Variants in SWT1 observed in about 807,000 individuals in gnomAD.
SWT1 encodes transcriptional protein SWT1.
SWT1 carries 33 observed loss-of-function variants against 107.3 expected under a neutral mutation model. The observed-to-expected ratio is 0.31, with a 90% CI of 0.23 to 0.41. The LOEUF (loss-of-function observed/expected upper bound fraction) is 0.41. Ranked by LOEUF, SWT1 falls within the 10% of genes least tolerant of loss-of-function variation. The pLI, the probability that SWT1 is intolerant of heterozygous loss-of-function variation, is 1.00. For synonymous variants in SWT1, 345 were observed against 348.3 expected (o/e 0.99, Z 0.11); for missense variants, 898 against 1,028.9 (o/e 0.87, Z 1.74).
chr1:185,277,811 C>T (rs1294238039), intron 18 of SWT1, among the ~76,000 whole-genome samples: 1 of 151,802 alleles, frequency 6.6e-6, no homozygotes, highest in Non-Finnish European at 1.5e-5. Context: ...TTATAGTTCT[C>T]ATCTTTTTTT....
intron 18 of SWT1, among the ~76,000 whole-genome samples, chr1:185,277,099 A>G (rs1290225201): frequency 6.6e-6 from 1 of 152,146 alleles, no homozygotes; most frequent in Non-Finnish European, 1.5e-5. Flanking sequence ...ATTTTTGCAA[A>G]TCTTTTAATG....
intron 16 of SWT1, among the ~76,000 whole-genome samples, chr1:185,252,568 C>T (rs1662124675): frequency 6.6e-6 from 1 of 152,080 alleles, no homozygotes; most frequent in African/African-American, 2.4e-5. Flanking sequence ...TTTTTGGCTG[C>T]ATAAATGTCT....
intron 2 of SWT1, among the ~76,000 whole-genome samples, chr1:185,165,289 A>C (rs1446765487): frequency 6.6e-6 from 1 of 152,242 alleles, no homozygotes; most frequent in African/African-American, 2.4e-5. Context: ...CATTTGAAAT[A>C]CTGTGAGAAT....
Position 185,276,608 on chromosome 1 carries a change from A to G in SWT1, c.2513A>G (p.Asn838Ser), listed in dbSNP as rs1413024686. The G allele has an allele frequency of 1.3e-6, 2 of 1,574,096 alleles. No homozygotes were observed. Among genetic ancestry groups the G allele is most frequent in the East Asian group, 2.3e-5 (1 of 44,190 alleles). The stretch of plus-strand genomic sequence containing the variant: ...CTATATCTTGGTTCCTTTCAGGTAA[A>G]TAAAAATGTCAAATTTACTGCCCAG... ...LYNFLIKYEV[N>S]KNVKFTAQEI... is the part of the protein sequence containing the mutation. The change falls in exon 18 of 19, where the codon AAT becomes AGT. Residue 838 changes from asparagine (N) to serine (S), a missense_variant. Asn to Ser is a conservative substitution (Grantham distance 46). Around this residue, in one of 6 missense-constraint regions of SWT1, gnomAD observed 382 missense variants for 460.0 expected, o/e 0.83. Transcript: ENST00000367500.
At chr1:185,221,801 C>T in intron 14 of SWT1, 48 bp from the exon 15 acceptor site, 2 of 1,358,232 alleles carry the variant, frequency 1.5e-6, no homozygotes, top group African/African-American at 1.5e-5. Flanking sequence ...TTTTTCTCCT[C>T]TGCAAATGAA....
chr1:185,176,496 A>G (rs1655571116), intron 5 of SWT1: 1 of 889,254 alleles, frequency 1.1e-6, no homozygotes, highest in South Asian at 5.2e-5. Context: ...AAAATTATGT[A>G]ATGTAATTGC....
intron 3 of SWT1, among the ~76,000 whole-genome samples, chr1:185,167,847 A>G (rs1223113759): frequency 6.6e-6 from 1 of 152,106 alleles, no homozygotes; most frequent in Non-Finnish European, 1.5e-5. Flanking sequence ...TTTCCTAGGT[A>G]CTTTTCCTCT....
intron 9 of SWT1, among the ~76,000 whole-genome samples, chr1:185,189,490 T>G (rs546297890): frequency 1.3e-5 from 2 of 152,338 alleles, no homozygotes; most frequent in African/African-American, 4.8e-5. Flanking sequence ...CTAGTTTAGC[T>G]GCGGTAGAAC....
chr1:185,206,898 AG>A lies in SWT1; in HGVS notation c.1972+137del, dbSNP rs1658378902. Reference sequence around the variant, plus strand: ...AATCATTTATACTTCTAATTTATAAAGGTATTTGTGGAAACTGGATGAACAG... The same window carrying A: ...AATCATTTATACTTCTAATTTATAAAGTATTTGTGGAAACTGGATGAACAG... On this transcript the variant is annotated intron_variant, in intron 13 of 18. Coordinates refer to ENST00000367500, the MANE Select transcript of SWT1 (RefSeq NM_017673.7). 1.1e-5 allele frequency: 7 copies of A among 634,554 alleles called. No individual in the cohort carries two copies. The East Asian group carries it at 1.9e-4, about 17-fold the overall frequency. The allele number at this position is 634,554 out of a possible 1,614,324, so 39.3% of individuals were successfully genotyped here.
chr1:185,231,949 A>C (rs1332479325), intron 16 of SWT1, among the ~76,000 whole-genome samples: 2 of 152,184 alleles, frequency 1.3e-5, no homozygotes, highest in Non-Finnish European at 2.9e-5. Context: ...ACACAAAAAT[A>C]CTGTTCTTTG....
At chr1:185,223,633 A>G (rs1351407625) in intron 15 of SWT1, among the ~76,000 whole-genome samples, 2 of 152,178 alleles carry the variant, frequency 1.3e-5, no homozygotes, top group Admixed American at 6.5e-5. Flanking sequence ...AAAAATTTAT[A>G]TTAAGGTCTT....
chr1:185,191,925 G>A (rs966221908), intron 10 of SWT1, among the ~76,000 whole-genome samples: 6 of 152,000 alleles, frequency 3.9e-5, no homozygotes, highest in Admixed American at 6.6e-5. Context: ...TGACATAGTC[G>A]TGTTCCAAGT....
Position 185,222,036 on chromosome 1 carries a change from G to T in SWT1, c.2309G>T (p.Ser770Ile). 6.7e-7 allele frequency: 1 copy of T among 1,499,186 alleles called. No individual in the cohort carries two copies. Among genetic ancestry groups the T allele is most frequent in the Non-Finnish European group, 8.9e-7 (1 of 1,125,980 alleles). 92.9% of individuals were successfully genotyped at this position (1,499,186 alleles called of 1,614,324 possible). ...GTTTGGATTACAATATATCAGAACAGGTACTAAATTTGGGGGAATTTTTTT... is the reference window on the plus strand; with the variant it reads ...GTTTGGATTACAATATATCAGAACATGTACTAAATTTGGGGGAATTTTTTT... ...ESVWITIYQN[S>I]TDVFQRLGSN... Residue 770 changes from serine to isoleucine, a missense_variant and splice_region_variant, in exon 15 of 19, where the codon AGC (serine) becomes ATC (isoleucine). Around this residue, in one of 6 missense-constraint regions of SWT1, gnomAD observed 382 missense variants for 460.0 expected, o/e 0.83. Transcript: ENST00000367500.
intron 14 of SWT1, among the ~76,000 whole-genome samples, chr1:185,221,035 G>A (rs1209108338): frequency 1.5e-5 from 2 of 132,612 alleles, no homozygotes; most frequent in East Asian, 2.2e-4. Context: ...TAGTGTGCAT[G>A]TGTGCGTGCA....
At chr1:185,217,147 C>T (rs930855757) in intron 14 of SWT1, among the ~76,000 whole-genome samples, 3 of 152,148 alleles carry the variant, frequency 2.0e-5, no homozygotes, top group African/African-American at 7.2e-5. Flanking sequence ...CACGCTGTTT[C>T]CAGGATTAGA....
intron 10 of SWT1, among the ~76,000 whole-genome samples, chr1:185,198,151 T>C (rs1657559707): frequency 6.6e-6 from 1 of 152,216 alleles, no homozygotes; most frequent in South Asian, 2.1e-4. Flanking sequence ...TTGTTCTGAC[T>C]GGTTTCAAAG....
In SWT1 at chr1:185,252,747, T is replaced by A. The variant is rs1054454782; in HGVS notation, c.2442-18576T>A. Among the ~76,000 whole-genome samples, 30 of 152,284 alleles carry A rather than the reference T, an allele frequency of 2.0e-4. 1 individual carries two copies. Among genetic ancestry groups the A allele is most frequent in the South Asian group, 6.2e-4 (3 of 4,824 alleles). On this transcript the variant is annotated intron_variant, in intron 16 of 18. Transcript: ENST00000367500. ...TTTTGTAGGTTGCCTGTTCACTCTG[T>A]TGGTAGTTTCTTTTGCTGTACAGAA...
At chr1:185,213,491 T>C (rs150682515) in intron 13 of SWT1, among the ~76,000 whole-genome samples, 13 of 152,362 alleles carry the variant, frequency 8.5e-5, no homozygotes, top group Non-Finnish European at 1.5e-4. Flanking sequence ...TATTAAGATA[T>C]AGTTTTTATT....
intron 13 of SWT1, among the ~76,000 whole-genome samples, chr1:185,210,174 C>T (rs961695364): frequency 1.3e-5 from 2 of 152,156 alleles, no homozygotes; most frequent in Non-Finnish European, 2.9e-5. Context: ...TGTAGGTTGC[C>T]TGTTCACTCT....
Sources: gnomAD v4.1 joint callset for allele counts (sites outside exome capture counted in the v4.1 genomes callset) on GRCh38, gnomAD v4.1.1 for gene constraint, gnomAD v4.1.1 regional missense constraint, MANE v1.5 for transcripts, NCBI Gene and HGNC (gene_info 2026-07-23, HGNC 2026-07-21) for gene names.